The following AFF2 variants were observed in gnomAD, a reference collection of about 807,000 sequenced individuals.
AFF2 encodes the protein ALF transcription elongation factor 2, also known as AF4/FMR2 family member 2.
A neutral mutation model predicts 76.9 loss-of-function variants in AFF2; 14 were observed. The ratio of observed to expected loss-of-function variants is 0.18; its 90% CI spans 0.12 to 0.28. AFF2 has a LOEUF of 0.28. AFF2 is among the 10% of genes least tolerant of loss of function. The pLI is 1.00. For synonymous variants in AFF2, 398 were observed against 366.7 expected (o/e 1.09, Z -0.98); for missense variants, 868 against 1,001.1 (o/e 0.87, Z 1.79).
At chrX:148,577,763 T>C (rs1557243716) in intron 1 of AFF2, among the ~76,000 whole-genome samples, 1 of 112,035 alleles carries the variant, frequency 8.9e-6, no homozygotes, top group Non-Finnish European at 1.9e-5. Flanking sequence ...TCTCTCATCT[T>C]ACACTGATCC....
chrX:148,659,883 A>C (rs1046401971), intron 2 of AFF2, among the ~76,000 whole-genome samples: 14 of 112,237 alleles, frequency 1.2e-4, no homozygotes, highest in African/African-American at 4.2e-4. Flanking sequence ...AGGAAATAAA[A>C]GTGACTTCTA....
intron 7 of AFF2, among the ~76,000 whole-genome samples, chrX:148,846,300 T>G (rs1464141823): frequency 8.9e-6 from 1 of 111,877 alleles, no homozygotes; most frequent in African/African-American, 3.3e-5. Context: ...CTAGGTTTAA[T>G]CCCCTCCTTT....
chrX:148,702,444 AT>A (rs1394355467), intron 3 of AFF2, among the ~76,000 whole-genome samples: 2 of 111,701 alleles, frequency 1.8e-5, no homozygotes, highest in Non-Finnish European at 3.8e-5. Flanking sequence ...GTTTTTCTGC[AT>A]CTTTTTTGGT....
chrX:148,966,717 A>G, intron 13 of AFF2, 73 bp from the exon 14 acceptor site: 1 of 1,161,538 alleles, frequency 8.6e-7, no homozygotes, highest in South Asian at 2.0e-5. Flanking sequence ...CGTGCTTGAC[A>G]TTCAAAGCAT....
At chrX:148,988,036 A>T (rs1439062868) in intron 20 of AFF2, among the ~76,000 whole-genome samples, 1 of 111,874 alleles carries the variant, frequency 8.9e-6, no homozygotes, top group African/African-American at 3.2e-5. Context: ...AGTACTTTTC[A>T]CACACCGATG....
chrX:148,936,765 T>G (rs2071779984), intron 9 of AFF2, among the ~76,000 whole-genome samples: 1 of 112,337 alleles, frequency 8.9e-6, no homozygotes, highest in African/African-American at 3.2e-5. Context: ...AAGTTGGAGT[T>G]GAGGGTAGGA....
chrX:148,697,292 C>G (rs2054732623), intron 3 of AFF2, among the ~76,000 whole-genome samples: 1 of 112,100 alleles, frequency 8.9e-6, no homozygotes, highest in Non-Finnish European at 1.9e-5. Context: ...TTTAATATAC[C>G]AAATGTTGTG....
chrX:148,828,110 A>T, intron 4 of AFF2, among the ~76,000 whole-genome samples: 1 of 112,156 alleles, frequency 8.9e-6, no homozygotes, highest in East Asian at 2.8e-4. Context: ...TGGTCATTGG[A>T]TGTAGTTGAC....
At chrX:148,538,758 C>T (rs1239568596) in intron 1 of AFF2, among the ~76,000 whole-genome samples, 1 of 111,805 alleles carries the variant, frequency 8.9e-6, no homozygotes, top group East Asian at 2.8e-4. Flanking sequence ...AGACAATCCC[C>T]GTTTTACAGA....
At chrX:148,739,223 C>T (rs1381446616) in intron 3 of AFF2, among the ~76,000 whole-genome samples, 4 of 111,341 alleles carry the variant, frequency 3.6e-5, no homozygotes, top group Admixed American at 9.5e-5. Flanking sequence ...GTATTGAAGT[C>T]CCCCACTATT....
chrX:148,790,979 A>C (rs2069886122), intron 3 of AFF2, among the ~76,000 whole-genome samples: 1 of 112,411 alleles, frequency 8.9e-6, no homozygotes, highest in South Asian at 3.7e-4. Flanking sequence ...CCAACCAACC[A>C]GTAGTTAGTC....
At chrX:148,936,743 T>A (rs1381903661) in intron 9 of AFF2, among the ~76,000 whole-genome samples, 1 of 112,444 alleles carries the variant, frequency 8.9e-6, no homozygotes, top group African/African-American at 3.2e-5. Flanking sequence ...GGGCTACAGT[T>A]GAGGGGACCC....
In AFF2 at chrX:148,707,509, T is replaced by A. The variant is rs189387740; in HGVS notation, c.1041+44741T>A. ...ATAATATATATATTTTTTTTCCTTT[T>A]TTTTTGTCATTTGGGGGAAGGAAGG... On this transcript the variant is annotated intron_variant, in intron 3 of 20. Transcript: ENST00000370460. Among the ~76,000 whole-genome samples the A allele has an allele frequency of 4.6e-3, 506 of 110,483 alleles. 4 individuals are homozygous for A. The highest frequency in any genetic ancestry group is 0.015 in the African/African-American group (470 of 30,484).
At chrX:148,840,361 C>T (rs1316206315) in intron 5 of AFF2, among the ~76,000 whole-genome samples, 1 of 112,221 alleles carries the variant, frequency 8.9e-6, no homozygotes, top group African/African-American at 3.2e-5. Flanking sequence ...GTCACACCCA[C>T]TTATTTACGC....
At chrX:148,746,221 CTTAA>C (rs1433458394) in intron 3 of AFF2, among the ~76,000 whole-genome samples, 1 of 112,048 alleles carries the variant, frequency 8.9e-6, no homozygotes, top group Non-Finnish European at 1.9e-5. Flanking sequence ...TACATATATT[CTTAA>C]TTAATCTTGA....
chrX:148,665,477 G>A (rs924059593), intron 3 of AFF2, among the ~76,000 whole-genome samples: 3 of 111,686 alleles, frequency 2.7e-5, no homozygotes, highest in Admixed American at 9.5e-5. Flanking sequence ...GGATTTGACA[G>A]AAGAGTAGAG....
At chrX:148,517,388 A>G (rs1241268691) in intron 1 of AFF2, among the ~76,000 whole-genome samples, 1 of 111,873 alleles carries the variant, frequency 8.9e-6, no homozygotes, top group African/African-American at 3.3e-5. Context: ...CAGCAAATCC[A>G]ATTTCAATGA....
intron 9 of AFF2, among the ~76,000 whole-genome samples, chrX:148,930,041 C>T (rs782027472): frequency 4.7e-4 from 53 of 111,791 alleles, no homozygotes; most frequent in Non-Finnish European, 8.1e-4. Context: ...AGTCTAGTTT[C>T]CTTCAAGAGC....
intron 1 of AFF2, among the ~76,000 whole-genome samples, chrX:148,513,716 G>A (rs1391447795): frequency 9.0e-6 from 1 of 111,311 alleles, no homozygotes; most frequent in Non-Finnish European, 1.9e-5. Context: ...AAAATTCAAG[G>A]CAAAGCAACA....
Sources: allele counts gnomAD v4.1 joint callset (sites outside exome capture counted in the v4.1 genomes callset), GRCh38; gene constraint gnomAD v4.1.1; transcripts MANE v1.5; gene names NCBI Gene and HGNC (gene_info 2026-07-23, HGNC 2026-07-21).